EXTL3: variants seen among roughly 807,000 people sequenced by gnomAD.
The protein encoded by EXTL3 is exostosin-like 3.
EXTL3 carries 27 observed loss-of-function variants against 69.3 expected under a neutral mutation model. That is an observed-to-expected ratio of 0.39 (90% CI 0.29 to 0.54). The LOEUF is 0.54. Ranked by LOEUF, EXTL3 falls within the 20% of genes least tolerant of loss-of-function variation. The probability of loss-of-function intolerance (pLI) is 0.69; values close to 1 mark genes in which losing one functional copy is unlikely to be tolerated. For synonymous variants in EXTL3, 511 were observed against 499.4 expected, an observed-to-expected ratio of 1.02 and a Z score of -0.31; for missense variants, 1,003 against 1,231.8, an observed-to-expected ratio of 0.81 and a Z score of 2.78.
chr8:28,706,868 T>C (rs1452147627), intron 1 of EXTL3, among the ~76,000 whole-genome samples: 2 of 152,092 alleles, frequency 1.3e-5, no homozygotes, highest in East Asian at 1.9e-4. Flanking sequence ...ATACATAGAA[T>C]CATTTGATTC....
intron 1 of EXTL3, among the ~76,000 whole-genome samples, chr8:28,652,447 A>G (rs1806939043): frequency 6.6e-6 from 1 of 152,134 alleles, no homozygotes; most frequent in South Asian, 2.1e-4. Flanking sequence ...GCTTGAGCCC[A>G]GGAGTTCCAG....
At chr8:28,745,197 G>A (rs1563225459) in intron 6 of EXTL3, among the ~76,000 whole-genome samples, 2 of 152,194 alleles carry the variant, frequency 1.3e-5, no homozygotes, top group Non-Finnish European at 2.9e-5. Flanking sequence ...ATTGTAGTGA[G>A]AAAGAAGTCG....
At chr8:28,710,936 A>C (rs1801019966) in intron 1 of EXTL3, among the ~76,000 whole-genome samples, 1 of 152,194 alleles carries the variant, frequency 6.6e-6, no homozygotes, top group Non-Finnish European at 1.5e-5. Flanking sequence ...TCTGGAAGAG[A>C]CAGTGTAGAG....
intron 1 of EXTL3, among the ~76,000 whole-genome samples, chr8:28,661,543 A>G (rs1807115766): frequency 6.6e-6 from 1 of 152,046 alleles, no homozygotes. Context: ...ACATATATAT[A>G]TAGTATACAT....
chr8:28,641,739 C>T (rs1011624577), intron 1 of EXTL3, among the ~76,000 whole-genome samples: 23 of 152,284 alleles, frequency 1.5e-4, no homozygotes, highest in East Asian at 1.9e-4. Flanking sequence ...CCCCCTCCGC[C>T]GCGTGGCCTC....
chr8:28,635,855 CT>C (rs1385408675), intron 1 of EXTL3, among the ~76,000 whole-genome samples: 1 of 152,092 alleles, frequency 6.6e-6, no homozygotes, highest in East Asian at 1.9e-4. Flanking sequence ...TGTCCAACAA[CT>C]TTGTTGATGA....
intron 1 of EXTL3, among the ~76,000 whole-genome samples, chr8:28,687,989 G>A (rs999798325): frequency 1.3e-5 from 2 of 151,618 alleles, no homozygotes; most frequent in African/African-American, 4.8e-5. Flanking sequence ...CTTAATGAGA[G>A]CAGTTTCAGT....
chr8:28,744,718 T>C (rs1801849060), intron 6 of EXTL3, among the ~76,000 whole-genome samples: 1 of 151,030 alleles, frequency 6.6e-6, no homozygotes, highest in African/African-American at 2.4e-5. Flanking sequence ...CACTTGAACC[T>C]GGAGGCGGAG....
At chr8:28,712,370 G>A (rs1475931308) in intron 1 of EXTL3, among the ~76,000 whole-genome samples, 1 of 152,152 alleles carries the variant, frequency 6.6e-6, no homozygotes, top group Non-Finnish European at 1.5e-5. Context: ...GAGGGGAGGC[G>A]TGGCCTGACT....
At chr8:28,736,634 G>A (rs767138954) in intron 4 of EXTL3, among the ~76,000 whole-genome samples, 9 of 152,148 alleles carry the variant, frequency 5.9e-5, no homozygotes, top group Non-Finnish European at 1.3e-4. Context: ...TTGGAATTAG[G>A]AGTGGTGCAG....
At position 28,737,500 on chromosome 8, in the gene EXTL3, T is replaced by C. The variant is rs1235996777; in HGVS notation, c.2277-19T>C. 1.2e-6 allele frequency: 2 copies of C among 1,613,968 alleles called. No individual in the cohort carries two copies. The highest frequency in any genetic ancestry group is 1.7e-5 in the Admixed American group (1 of 60,016). ...AGAGCTCTGTATTCAGGTCTGTGTA[T>C]GCACTTGTGTTTTTCAAGGGTGTGG... On this transcript the variant is annotated intron_variant, in intron 4 of 6. Transcript: ENST00000220562.
intron 1 of EXTL3, among the ~76,000 whole-genome samples, chr8:28,642,115 G>T (rs1454016745): frequency 6.6e-6 from 1 of 152,142 alleles, no homozygotes; most frequent in Non-Finnish European, 1.5e-5. Flanking sequence ...GATTACAGGC[G>T]TGAGCCACCG....
intron 3 of EXTL3, among the ~76,000 whole-genome samples, chr8:28,725,971 T>C (rs966847750): frequency 3.7e-4 from 56 of 150,270 alleles, no homozygotes; most frequent in Non-Finnish European, 7.4e-4. Flanking sequence ...TTTTTTTTTT[T>C]CCGAGATGGA....
At chr8:28,695,205 C>T (rs1490205116) in intron 1 of EXTL3, among the ~76,000 whole-genome samples, 3 of 150,154 alleles carry the variant, frequency 2.0e-5, no homozygotes, top group African/African-American at 7.4e-5. Flanking sequence ...TCTTGGCTCA[C>T]TGCAACCTCT....
chr8:28,737,782 G>T (rs1405233073), intron 5 of EXTL3, 119 bp downstream of exon 5: 4 of 1,192,710 alleles, frequency 3.4e-6, no homozygotes, highest in African/African-American at 1.5e-5. Context: ...TTTTGTGCTA[G>T]AAGTCAGTTT....
chr8:28,619,115 AAC>A (rs1208626802), upstream of EXTL3, among the ~76,000 whole-genome samples: 14 of 142,712 alleles, frequency 9.8e-5, no homozygotes, highest in Non-Finnish European at 1.8e-4. Context: ...AAAAAAAAAA[AAC>A]AGCAGACCCA....
In EXTL3 at chr8:28,718,219, A is replaced by G. The variant is rs1297512080; in HGVS notation, c.2148+12A>G. 1.9e-6 allele frequency: 3 copies of G among 1,612,598 alleles called. No homozygotes were observed. The highest frequency in any genetic ancestry group is 2.5e-6 in the Non-Finnish European group (3 of 1,178,904). ...GCGTCCCCATCATGGTAATAGAGAA[A>G]CGAACAGTTCGTTTTGGTGCATGAA... On this transcript the variant is annotated intron_variant, in intron 3 of 6. Transcript: ENST00000220562.
At chr8:28,650,425 T>C (rs1038467851) in intron 1 of EXTL3, among the ~76,000 whole-genome samples, 9 of 151,828 alleles carry the variant, frequency 5.9e-5, no homozygotes, top group Non-Finnish European at 1.0e-4. Context: ...TGGCGCGATA[T>C]CAGCTCACTG....
chr8:28,743,208 C>T lies in EXTL3; in HGVS notation c.2544C>T (p.Pro848=), dbSNP rs1476534704. 6.2e-7 allele frequency: 1 copy of T among 1,614,218 alleles called. No individual in the cohort carries two copies. The highest frequency in any genetic ancestry group is 1.7e-5 in the Admixed American group (1 of 60,036). The change falls in exon 6 of 7, where the codon CCC becomes CCT. Residue 848 remains proline, a synonymous_variant. Coordinates refer to ENST00000220562, the MANE Select transcript of EXTL3 (RefSeq NM_001440.4). ...TCTCCCACATCACTCGGAAGCCCCC[C>T]ATCAAGGTGAGGTCCCACCACTGGT... ...FLVSHITRKP[P]IKVTSRWTFR...
Sources: allele counts gnomAD v4.1 joint callset (sites outside exome capture counted in the v4.1 genomes callset), GRCh38; gene constraint gnomAD v4.1.1; transcripts MANE v1.5; gene names NCBI Gene and HGNC (gene_info 2026-07-23, HGNC 2026-07-21).